Variants in NCAM1 observed in about 807,000 individuals in gnomAD.
NCAM1 encodes antigen recognized by monoclonal antibody 5.1H11.
In NCAM1, 14 loss-of-function variants were observed where a neutral mutation model predicts 109.8. The ratio of observed to expected loss-of-function variants is 0.13; its 90% confidence interval spans 0.08 to 0.20. NCAM1 has a LOEUF of 0.20. NCAM1 is among the 10% of genes least tolerant of loss of function. The pLI, the probability that NCAM1 is intolerant of heterozygous loss-of-function variation, is 1.00. For missense variants in NCAM1, 774 were observed against 1,109.9 expected, an observed-to-expected ratio of 0.70 and a Z score of 4.30; for synonymous variants, 418 against 442.9, an observed-to-expected ratio of 0.94 and a Z score of 0.70.
chr11:113,207,031 G>T (rs1039796925), intron 5 of NCAM1, among the ~76,000 whole-genome samples: 10 of 152,190 alleles, frequency 6.6e-5, no homozygotes, highest in Non-Finnish European at 1.2e-4. Context: ...TATTACTATA[G>T]CTTCTCAATT....
chr11:113,024,172 C>G (rs1555076774), intron 1 of NCAM1, among the ~76,000 whole-genome samples: 1 of 152,158 alleles, frequency 6.6e-6, no homozygotes, highest in East Asian at 1.9e-4. Flanking sequence ...GCAACAACCT[C>G]TAGTCTCTTA....
intron 1 of NCAM1, among the ~76,000 whole-genome samples, chr11:113,091,729 A>C (rs1487493597): frequency 6.6e-6 from 1 of 152,220 alleles, no homozygotes; most frequent in Non-Finnish European, 1.5e-5. Flanking sequence ...GGGCCTGGAA[A>C]GTAGGGCTTA....
At chr11:113,074,250 G>A (rs1285882537) in intron 1 of NCAM1, among the ~76,000 whole-genome samples, 1 of 152,186 alleles carries the variant, frequency 6.6e-6, no homozygotes, top group African/African-American at 2.4e-5. Flanking sequence ...AGTCATCAGG[G>A]TTGCTGTAGG....
intron 13 of NCAM1, among the ~76,000 whole-genome samples, chr11:113,234,817 G>A (rs992384777): frequency 2.0e-5 from 3 of 152,204 alleles, no homozygotes; most frequent in Non-Finnish European, 4.4e-5. Context: ...TCTGCCTTTC[G>A]GCTATTGTGA....
intron 1 of NCAM1, among the ~76,000 whole-genome samples, chr11:113,165,732 C>T (rs1187964055): frequency 6.6e-6 from 1 of 152,022 alleles, no homozygotes; most frequent in African/African-American, 2.4e-5. Context: ...TAGCTCAGCC[C>T]CAGTGTAGAG....
chr11:113,009,324 T>G (rs1222098229), intron 1 of NCAM1, among the ~76,000 whole-genome samples: 23 of 137,568 alleles, frequency 1.7e-4, no homozygotes, highest in Non-Finnish European at 3.3e-4. Flanking sequence ...TTTTTTTTTT[T>G]TTTTTTTTTT....
At chr11:113,191,050 T>C (rs1377901323) in intron 1 of NCAM1, among the ~76,000 whole-genome samples, 1 of 152,236 alleles carries the variant, frequency 6.6e-6, no homozygotes, top group Non-Finnish European at 1.5e-5. Flanking sequence ...AGGAAAGGTA[T>C]GGCTTATCCA....
At chr11:113,237,857 TATATATAG>T (rs1354047925) in intron 14 of NCAM1, among the ~76,000 whole-genome samples, 1 of 110,634 alleles carries the variant, frequency 9.0e-6, no homozygotes, top group African/African-American at 3.0e-5. Flanking sequence ...GGTGAGACCA[TATATATAG>T]ATATATAGAT....
chr11:113,019,844 T>C (rs1032066557), intron 1 of NCAM1, among the ~76,000 whole-genome samples: 2 of 152,238 alleles, frequency 1.3e-5, no homozygotes, highest in Admixed American at 6.5e-5. Flanking sequence ...TCTGTGTTCC[T>C]GATCTCTGTG....
intron 9 of NCAM1, among the ~76,000 whole-genome samples, chr11:113,224,223 C>T (rs1299503624): frequency 1.3e-5 from 2 of 152,220 alleles, no homozygotes; most frequent in Non-Finnish European, 2.9e-5. Context: ...AAAATTGGGT[C>T]ATTCCCACCC....
At chr11:113,232,057 A>G (rs1395243705) in intron 10 of NCAM1, 113 bp from the exon 11 acceptor site, 2 of 1,116,824 alleles carry the variant, frequency 1.8e-6, no homozygotes, top group Admixed American at 2.8e-5. Flanking sequence ...CCTCTACTAT[A>G]CCAGGCGCTG....
rs147337009 is a variant in NCAM1 at position 113,196,797 on chromosome 11, G to A, written c.53-5582G>A. ...TTTCCTATTCACTTTCACTGATTTT[G>A]TAGGTTTGGTGGTGAAGAGACCCTT... On this transcript the variant is annotated intron_variant, in intron 1 of 19. Transcript: ENST00000316851. Among the ~76,000 whole-genome samples, 486 of 152,326 alleles carry A rather than the reference G, an allele frequency of 3.2e-3. 3 individuals carry two copies. Among genetic ancestry groups the A allele is most frequent in the Middle Eastern group, 0.017 (5 of 294 alleles).
chr11:113,036,079 T>C (rs1555079138), intron 1 of NCAM1, among the ~76,000 whole-genome samples: 1 of 151,924 alleles, frequency 6.6e-6, no homozygotes, highest in Non-Finnish European at 1.5e-5. Flanking sequence ...TGTAGCCTTG[T>C]CTACTTGACT....
In NCAM1 at chr11:113,271,850, C is replaced by T. The variant is rs200459186; in HGVS notation, c.2430C>T (p.Asn810=). ...ATGGAGGGAAACACACAGAGCCCAA[C>T]GAGACCACGCCACTGACGGAGCCCG... The part of the protein sequence containing the change: ...NHDGGKHTEP[N]ETTPLTEPEK... The change falls in exon 19 of 20, where the codon AAC becomes AAT. Residue 810 remains asparagine, a synonymous_variant. Transcript: ENST00000316851. The T allele has an allele frequency of 2.3e-3, 3,630 of 1,570,946 alleles. 12 individuals carry two copies. Among genetic ancestry groups the T allele is most frequent in the Middle Eastern group, 5.8e-3 (35 of 6,016 alleles).
chr11:113,212,954 G>A lies in NCAM1; in HGVS notation c.917-1415G>A, dbSNP rs140552314. On this transcript the variant is annotated intron_variant, in intron 7 of 19. Transcript: ENST00000316851. ...AGATTGGATTGAGATGTGCCTATGT[G>A]CTATCCATCAAAAAAGGATTTGCTA... Among the ~76,000 whole-genome samples, 567 of 152,300 alleles carry A rather than the reference G, an allele frequency of 3.7e-3. 5 individuals carry two copies. The highest frequency in any genetic ancestry group is 3.3e-3 in the Non-Finnish European group (226 of 68,032).
intron 1 of NCAM1, among the ~76,000 whole-genome samples, chr11:113,163,929 G>C (rs1245759425): frequency 6.6e-6 from 1 of 152,126 alleles, no homozygotes; most frequent in Non-Finnish European, 1.5e-5. Context: ...GGGAGGTGCT[G>C]GGTGCCATGA....
chr11:113,087,824 C>T (rs1333654553), intron 1 of NCAM1, among the ~76,000 whole-genome samples: 5 of 152,158 alleles, frequency 3.3e-5, no homozygotes, highest in Non-Finnish European at 7.3e-5. Context: ...CTTTAAGGAG[C>T]TCAGTCTCTA....
At chr11:113,084,738 G>A (rs1429961905) in intron 1 of NCAM1, among the ~76,000 whole-genome samples, 1 of 152,176 alleles carries the variant, frequency 6.6e-6, no homozygotes, top group Non-Finnish European at 1.5e-5. Flanking sequence ...CATTGTGGCT[G>A]AGAGCATGGG....
chr11:113,137,399 A>G (rs1025034526), intron 1 of NCAM1, among the ~76,000 whole-genome samples: 10 of 152,224 alleles, frequency 6.6e-5, no homozygotes, highest in African/African-American at 2.4e-4. Flanking sequence ...TGAATTCTCC[A>G]TTATGCTTTT....
Sources: gnomAD v4.1 joint callset for allele counts (sites outside exome capture counted in the v4.1 genomes callset) on GRCh38, gnomAD v4.1.1 for gene constraint, MANE v1.5 for transcripts, NCBI Gene and HGNC (gene_info 2026-07-23, HGNC 2026-07-21) for gene names.